Variants in TCF4 observed in about 807,000 individuals in gnomAD.
TCF4 encodes the protein SL3-3 enhancer factor 2.
Under a neutral mutation model 82.1 loss-of-function variants are expected in TCF4, and 3 were observed. That is an observed-to-expected ratio of 0.04 (90% confidence interval 0.02 to 0.09). The LOEUF is 0.09. Ranked by LOEUF, TCF4 falls within the 10% of genes least tolerant of loss-of-function variation. The pLI, the probability that TCF4 is intolerant of heterozygous loss-of-function variation, is 1.00. For missense variants in TCF4, 518 were observed against 852.7 expected, an observed-to-expected ratio of 0.61 and a Z score of 4.89; for synonymous variants, 276 against 309.6, an observed-to-expected ratio of 0.89 and a Z score of 1.14.
At chr18:55,391,123 T>C (rs2093048395) in intron 6 of TCF4, among the ~76,000 whole-genome samples, 1 of 152,212 alleles carries the variant, frequency 6.6e-6, no homozygotes, top group East Asian at 1.9e-4. Flanking sequence ...ATACAAATCT[T>C]TTACCACCAC....
At chr18:55,231,615 C>T (rs1399493688) in intron 17 of TCF4, 1 of 152,238 alleles carries the variant, frequency 6.6e-6, no homozygotes, top group Non-Finnish European at 1.5e-5. Flanking sequence ...CTTGGGATTT[C>T]TTGCCAAAGT....
intron 3 of TCF4, among the ~76,000 whole-genome samples, chr18:55,470,117 G>T (rs974841846): frequency 6.6e-6 from 1 of 152,122 alleles, no homozygotes; most frequent in Non-Finnish European, 1.5e-5. Context: ...AGAAGATAAG[G>T]GGATGATAGT....
chr18:55,293,980 C>G, intron 8 of TCF4, among the ~76,000 whole-genome samples: 1 of 80,068 alleles, frequency 1.2e-5, no homozygotes, highest in Non-Finnish European at 2.3e-5. Context: ...CATATCTTGG[C>G]CAGGCATTGT....
At chr18:55,468,169 C>T (rs1022998439) in intron 3 of TCF4, among the ~76,000 whole-genome samples, 6 of 152,044 alleles carry the variant, frequency 3.9e-5, no homozygotes, top group South Asian at 2.1e-4. Context: ...ACAAAATATA[C>T]GAAATCAATA....
chr18:55,303,191 C>T (rs2068863994), intron 8 of TCF4, among the ~76,000 whole-genome samples: 1 of 148,256 alleles, frequency 6.7e-6, no homozygotes, highest in Non-Finnish European at 1.5e-5. Flanking sequence ...GAAGAACCTC[C>T]TTCTCTTCCT....
At chr18:55,304,164 T>A (rs2069354385) in intron 8 of TCF4, among the ~76,000 whole-genome samples, 1 of 152,090 alleles carries the variant, frequency 6.6e-6, no homozygotes, top group Non-Finnish European at 1.5e-5. Flanking sequence ...ATGGCGGAAG[T>A]TGTGAATAGG....
intron 15 of TCF4, among the ~76,000 whole-genome samples, chr18:55,246,714 T>A (rs2053342513): frequency 1.3e-5 from 2 of 152,168 alleles, no homozygotes; most frequent in African/African-American, 2.4e-5. Flanking sequence ...TTCTGTCCTT[T>A]TTTTTTTCAG....
At chr18:55,481,381 G>A (rs2096428566) in intron 3 of TCF4, among the ~76,000 whole-genome samples, 1 of 152,122 alleles carries the variant, frequency 6.6e-6, no homozygotes, top group African/African-American at 2.4e-5. Flanking sequence ...TCATTGTGAG[G>A]TATTTGTACT....
At chr18:55,591,687 T>G (rs554275776), upstream of TCF4, among the ~76,000 whole-genome samples, 11 of 152,270 alleles carry the variant, frequency 7.2e-5, no homozygotes, top group South Asian at 2.3e-3. Flanking sequence ...TCGGCTAATT[T>G]TGTATTTTTA....
chr18:55,416,784 T>C (rs2094539840), intron 5 of TCF4, among the ~76,000 whole-genome samples: 1 of 152,228 alleles, frequency 6.6e-6, no homozygotes, highest in South Asian at 2.1e-4. Context: ...CAGGGAAATT[T>C]AAATGACTTT....
At chr18:55,229,409 G>A in intron 17 of TCF4, 1 of 349,842 alleles carries the variant, frequency 2.9e-6, no homozygotes. Flanking sequence ...GTTACACTCT[G>A]CAAAGCAGGC....
At chr18:55,470,793 T>C (rs892592942) in intron 3 of TCF4, among the ~76,000 whole-genome samples, 6 of 152,204 alleles carry the variant, frequency 3.9e-5, no homozygotes, top group Non-Finnish European at 5.9e-5. Flanking sequence ...TGTGGAAATA[T>C]ATTGATTTCT....
intron 8 of TCF4, among the ~76,000 whole-genome samples, chr18:55,303,496 T>C (rs2147025700): frequency 6.6e-6 from 1 of 152,304 alleles, no homozygotes; most frequent in South Asian, 2.1e-4. Flanking sequence ...GCAGACTTCC[T>C]AGGGCTCAGC....
At chr18:55,308,019 G>A (rs997733745) in intron 8 of TCF4, among the ~76,000 whole-genome samples, 14 of 152,242 alleles carry the variant, frequency 9.2e-5, no homozygotes, top group African/African-American at 3.4e-4. Context: ...ATGATTTTGA[G>A]TGCATGTATG....
At chr18:55,549,989 C>CT (rs1208255858) in intron 3 of TCF4, among the ~76,000 whole-genome samples, 1 of 152,162 alleles carries the variant, frequency 6.6e-6, no homozygotes. Flanking sequence ...AATACGGTAA[C>CT]TGTGGATATA....
intron 8 of TCF4, among the ~76,000 whole-genome samples, chr18:55,296,162 A>G (rs1482885507): frequency 6.6e-6 from 1 of 151,992 alleles, no homozygotes; most frequent in East Asian, 1.9e-4. Context: ...GAAAGATGAA[A>G]TCTACTGCCT....
chr18:55,497,835 T>A (rs1297313454), intron 3 of TCF4, among the ~76,000 whole-genome samples: 1 of 152,088 alleles, frequency 6.6e-6, no homozygotes, highest in Non-Finnish European at 1.5e-5. Context: ...ATCCATTAAC[T>A]AAAGCTACAT....
chr18:55,458,382 A>C (rs1467088382), intron 5 of TCF4, among the ~76,000 whole-genome samples: 1 of 152,262 alleles, frequency 6.6e-6, no homozygotes, highest in Non-Finnish European at 1.5e-5. Context: ...TTTTGGTAGA[A>C]GGAAAATATC....
chr18:55,280,205 G>A (rs1312029513), intron 8 of TCF4, among the ~76,000 whole-genome samples: 3 of 152,128 alleles, frequency 2.0e-5, no homozygotes, highest in Admixed American at 6.5e-5. Flanking sequence ...TCAGCTTTTT[G>A]CAGAGATGCA....
Sources: gnomAD v4.1 joint callset for allele counts (sites outside exome capture counted in the v4.1 genomes callset) on GRCh38, gnomAD v4.1.1 for gene constraint, MANE v1.5 for transcripts, NCBI Gene and HGNC (gene_info 2026-07-23, HGNC 2026-07-21) for gene names.